The following MTHFD2L variants were observed in gnomAD, a reference collection of about 807,000 sequenced individuals.
MTHFD2L encodes the protein bifunctional methylenetetrahydrofolate dehydrogenase/cyclohydrolase 2, mitochondrial.
Under a neutral mutation model 34.9 loss-of-function variants are expected in MTHFD2L, and 29 were observed. The ratio of observed to expected loss-of-function variants is 0.83; its 90% CI spans 0.62 to 1.13. The LOEUF (loss-of-function observed/expected upper bound fraction) is 1.13, where lower values mean the gene tolerates loss of function less well. Among genes scored for constraint, MTHFD2L ranks in the 50% most tolerant of loss-of-function variants. The probability of loss-of-function intolerance (pLI) is 0.00; values close to 1 mark genes in which losing one functional copy is unlikely to be tolerated. For missense variants in MTHFD2L, 481 were observed against 446.5 expected, an observed-to-expected ratio of 1.08 and a Z score of -0.70; for synonymous variants, 167 against 155.7, an observed-to-expected ratio of 1.07 and a Z score of -0.54.
chr4:74,286,127 A>G lies in MTHFD2L; in HGVS notation c.931+4577A>G, dbSNP rs1423636378. 2.6e-5 allele frequency among the ~76,000 whole-genome samples: 4 copies of G among 152,196 alleles called. No homozygotes were observed. In the East Asian group the frequency reaches 7.7e-4, roughly 29 times the overall value. ...TATTGATTTCCAGTTACAGAACTTG[A>G]CAGTTCATCAATATGTCCAGCTTCT... On this transcript the variant is annotated intron_variant, in intron 7 of 7. Transcript: ENST00000325278.
chr4:74,147,702 G>T (rs887011515), intron 1 of MTHFD2L, among the ~76,000 whole-genome samples: 6 of 152,018 alleles, frequency 3.9e-5, no homozygotes, highest in Non-Finnish European at 8.8e-5. Context: ...TTGTTTGTTT[G>T]TTTTTGTAGT....
intron 1 of MTHFD2L, among the ~76,000 whole-genome samples, chr4:74,136,065 GA>G (rs1450797586): frequency 6.6e-6 from 1 of 151,924 alleles, no homozygotes; most frequent in African/African-American, 2.4e-5. Context: ...CTAAAGGCTA[GA>G]CCAAGATAAG....
At chr4:74,123,832 T>A (rs1721886343), upstream of MTHFD2L, among the ~76,000 whole-genome samples, 1 of 152,150 alleles carries the variant, frequency 6.6e-6, no homozygotes, top group Admixed American at 6.6e-5. Flanking sequence ...CTTCTAAAAT[T>A]ATTGTGGGCC....
intron 6 of MTHFD2L, among the ~76,000 whole-genome samples, chr4:74,240,820 G>C (rs1351694357): frequency 2.0e-5 from 3 of 152,114 alleles, no homozygotes; most frequent in Non-Finnish European, 4.4e-5. Flanking sequence ...TTCTGCAGCT[G>C]TTACTTTTTA....
chr4:74,244,373 T>A (rs954174132), intron 6 of MTHFD2L, among the ~76,000 whole-genome samples: 3 of 152,134 alleles, frequency 2.0e-5, no homozygotes, highest in Non-Finnish European at 4.4e-5. Flanking sequence ...AAGGAAGATA[T>A]AAAAGCAAAG....
intron 6 of MTHFD2L, among the ~76,000 whole-genome samples, chr4:74,254,990 C>T (rs544002424): frequency 1.5e-3 from 225 of 151,806 alleles, no homozygotes; most frequent in Middle Eastern, 6.8e-3. Context: ...CAAAAATTAG[C>T]CAAGCATGGT....
At position 74,253,351 on chromosome 4, in the gene MTHFD2L, T is replaced by C. The variant is rs112163019; in HGVS notation, c.805+27957T>C. On this transcript the variant is annotated intron_variant, in intron 6 of 7. Transcript: ENST00000325278. ...ATAGGAGTTTCTAGCACTTGCTTCC[T>C]CACAGAAACATGAATTTGAACAAAC... is the stretch of plus-strand genomic sequence containing the variant. Among the ~76,000 whole-genome samples the C allele has an allele frequency of 5.6e-3, 848 of 152,284 alleles. 5 individuals carry two copies. The highest frequency in any genetic ancestry group is 0.02 in the African/African-American group (812 of 41,544).
chr4:74,212,526 A>G (rs890648296), intron 5 of MTHFD2L, among the ~76,000 whole-genome samples: 3 of 152,110 alleles, frequency 2.0e-5, no homozygotes, highest in African/African-American at 7.2e-5. Context: ...CTTAATCCTG[A>G]GCTCCAATTT....
intron 3 of MTHFD2L, among the ~76,000 whole-genome samples, chr4:74,185,100 CGA>C (rs1223803564): frequency 4.6e-5 from 6 of 131,288 alleles, no homozygotes; most frequent in Non-Finnish European, 9.1e-5. Context: ...TGCAGTGAGC[CGA>C]GATTAAGCCA....
chr4:74,267,823 T>C, intron 6 of MTHFD2L: 1 of 985,304 alleles, frequency 1.0e-6, no homozygotes, highest in South Asian at 4.7e-5. Flanking sequence ...CAGAAGGTGA[T>C]GGAACTACTT....
intron 3 of MTHFD2L, among the ~76,000 whole-genome samples, chr4:74,197,780 T>C (rs1045841119): frequency 5.3e-5 from 8 of 152,158 alleles, no homozygotes; most frequent in African/African-American, 1.9e-4. Context: ...GAAATTGATG[T>C]AAAGGTAATA....
chr4:74,285,331 A>T (rs774201870), intron 7 of MTHFD2L, among the ~76,000 whole-genome samples: 68 of 152,084 alleles, frequency 4.5e-4, no homozygotes, highest in Non-Finnish European at 8.4e-4. Context: ...CCTAAAACTT[A>T]AAGTATAATT....
chr4:74,204,802 T>C (rs1735020491), intron 5 of MTHFD2L, among the ~76,000 whole-genome samples: 1 of 152,202 alleles, frequency 6.6e-6, no homozygotes, highest in Admixed American at 6.5e-5. Flanking sequence ...ATGTATGATT[T>C]ATTTATAGAT....
chr4:74,279,721 A>G (rs1297732877), intron 6 of MTHFD2L, among the ~76,000 whole-genome samples: 2 of 152,020 alleles, frequency 1.3e-5, no homozygotes, highest in East Asian at 1.9e-4. Context: ...TTCTTTTTCT[A>G]TTGGATGCCA....
chr4:74,153,408 C>A (rs1013354082), upstream of MTHFD2L, among the ~76,000 whole-genome samples: 4 of 152,148 alleles, frequency 2.6e-5, no homozygotes, highest in Admixed American at 6.5e-5. Context: ...ATGTATTGTA[C>A]TCTTTAAAGC....
chr4:74,267,819 G>A (rs1172332603), intron 6 of MTHFD2L: 2 of 985,198 alleles, frequency 2.0e-6, no homozygotes, highest in East Asian at 2.3e-4. Flanking sequence ...AAGGCAGAAG[G>A]TGATGGAACT....
chr4:74,289,011 C>A (rs1447230338), intron 7 of MTHFD2L, among the ~76,000 whole-genome samples: 7 of 152,076 alleles, frequency 4.6e-5, no homozygotes. Context: ...AAATTAGGTT[C>A]ATTCATTTAG....
chr4:74,199,965 G>T lies in MTHFD2L; in HGVS notation c.604+19G>T, dbSNP rs372310012. ...AGAACAGGTTGGTAATTTGTGGTCT[G>T]CAGGACATGGATGCTAGGTGCTGAG... On this transcript the variant is annotated intron_variant, in intron 4 of 7. Transcript: ENST00000325278. 7 of 1,613,272 alleles carry T rather than the reference G, an allele frequency of 4.3e-6. No individual in the cohort carries two copies. The highest frequency in any genetic ancestry group is 5.9e-6 in the Non-Finnish European group (7 of 1,179,582).
upstream of MTHFD2L, among the ~76,000 whole-genome samples, chr4:74,120,127 A>C (rs2109771905): frequency 6.6e-6 from 1 of 152,358 alleles, no homozygotes; most frequent in Middle Eastern, 3.4e-3. Flanking sequence ...ATTGGTGAAG[A>C]GTTGATTTTG....
Sources: allele counts gnomAD v4.1 joint callset (sites outside exome capture counted in the v4.1 genomes callset), GRCh38; gene constraint gnomAD v4.1.1; transcripts MANE v1.5; gene names NCBI Gene and HGNC (gene_info 2026-07-23, HGNC 2026-07-21).